RASA3: variants seen among roughly 807,000 people sequenced by gnomAD.
RASA3 encodes the protein ras GTPase-activating protein 3.
In RASA3, 73 loss-of-function variants were observed where a neutral mutation model predicts 110.0. The observed-to-expected ratio is 0.66, with a 90% confidence interval of 0.55 to 0.81. The LOEUF (loss-of-function observed/expected upper bound fraction) is 0.81. Among genes scored for constraint, RASA3 ranks in the 30% least tolerant of loss-of-function variants. The pLI, the probability that RASA3 is intolerant of heterozygous loss-of-function variation, is 0.00. For synonymous variants in RASA3, 500 were observed against 451.4 expected (o/e 1.11, Z -1.37); for missense variants, 976 against 1,113.2 (o/e 0.88, Z 1.75).
At chr13:114,041,646 G>A (rs145739918) in intron 3 of RASA3, among the ~76,000 whole-genome samples, 99 of 152,358 alleles carry the variant, frequency 6.5e-4, no homozygotes, top group African/African-American at 2.1e-3. Flanking sequence ...GCACCCGTGC[G>A]AGCGACAGCC....
rs1407312570 is a variant in RASA3, at chr13:114,096,322, A to G, written c.56-22485T>C. Among the ~76,000 whole-genome samples, 1 of 152,174 alleles carries G rather than the reference A, an allele frequency of 6.6e-6. No homozygotes were observed. The highest frequency in any genetic ancestry group is 2.4e-5 in the African/African-American group (1 of 41,444). On this transcript the variant is annotated intron_variant, in intron 1 of 23. Coordinates refer to ENST00000334062, the MANE Select transcript of RASA3 (RefSeq NM_007368.4). This position sits in a 1 kb window ranked among gnomAD's most constrained non-coding sequence, Gnocchi z 5.1. ...CTGCTCACCGACCCATGCCTCCTCT[A>G]GCAAATCGCCTCTCTCACAGTCACC... is the stretch of plus-strand genomic sequence containing the variant.
Position 114,096,444 on chromosome 13 carries a change from A to C in RASA3, c.56-22607T>G, listed in dbSNP as rs1281495289. On this transcript the variant is annotated intron_variant, in intron 1 of 23. Coordinates refer to ENST00000334062, the MANE Select transcript of RASA3 (RefSeq NM_007368.4). The surrounding 1 kb of genome is among the most constrained non-coding windows in gnomAD (Gnocchi z 5.1). ...CATCTGTGAGCCGACCTCCTGCCTG[A>C]AGCCACCTTCTCATAGCGCTCAGTA... Among the ~76,000 whole-genome samples, 6 of 152,068 alleles carry C rather than the reference A, an allele frequency of 3.9e-5. No individual in the cohort carries two copies. Among genetic ancestry groups the C allele is most frequent in the African/African-American group, 1.4e-4 (6 of 41,388 alleles).
At chr13:114,106,662 G>A (rs1469329743) in intron 1 of RASA3, among the ~76,000 whole-genome samples, 1 of 152,160 alleles carries the variant, frequency 6.6e-6, no homozygotes, top group Non-Finnish European at 1.5e-5. Context: ...CCTGGCGTGG[G>A]GAGGGGTTGG....
intron 4 of RASA3, among the ~76,000 whole-genome samples, chr13:114,032,784 GACACC>G (rs2054195736): frequency 2.6e-5 from 1 of 38,492 alleles, no homozygotes; most frequent in Non-Finnish European, 4.4e-5. Flanking sequence ...CCCCCACACT[GACACC>G]ACGCCCCACG....
At chr13:114,063,509 A>G (rs539152858) in intron 2 of RASA3, among the ~76,000 whole-genome samples, 21 of 152,292 alleles carry the variant, frequency 1.4e-4, no homozygotes, top group Middle Eastern at 6.8e-3. Flanking sequence ...TTTTTAAATA[A>G]AAGTGAGGTT....
chr13:114,042,849 A>C (rs1232626149), intron 3 of RASA3, among the ~76,000 whole-genome samples: 3 of 152,280 alleles, frequency 2.0e-5, no homozygotes, highest in Non-Finnish European at 2.9e-5. Flanking sequence ...GTGCCATCTC[A>C]GTCGGTCCTG....
At position 114,073,744 on chromosome 13, in the gene RASA3, G is replaced by C; in HGVS notation, c.149C>G (p.Thr50Ser). 1 of 1,614,100 alleles carries C rather than the reference G, an allele frequency of 6.2e-7. No homozygotes were observed. Among genetic ancestry groups the C allele is most frequent in the South Asian group, 1.1e-5 (1 of 91,080 alleles). The change falls in exon 2 of 24, where the codon ACC becomes AGC. Residue 50 changes from threonine to serine, a missense_variant. By Grantham distance (58) the Thr-to-Ser change is moderately conservative. Transcript: ENST00000334062. ...CCAGAGTGACTTTTCCACAATTTTGGTCCTGAAAACCTCCTCCTGGTCCAG... is the reference window on the plus strand; with the variant it reads ...CCAGAGTGACTTTTCCACAATTTTGCTCCTGAAAACCTCCTCCTGGTCCAG... ...VNLDQEEVFR[T>S]KIVEKSLCPF...
At chr13:114,080,266 A>G (rs1456253153) in intron 1 of RASA3, among the ~76,000 whole-genome samples, 1 of 152,002 alleles carries the variant, frequency 6.6e-6, no homozygotes, top group African/African-American at 2.4e-5. Flanking sequence ...GCACCCCCCA[A>G]TCCTCCTGGC....
At chr13:114,128,218 A>C (rs1313178232) in intron 1 of RASA3, among the ~76,000 whole-genome samples, 1 of 152,258 alleles carries the variant, frequency 6.6e-6, no homozygotes, top group Non-Finnish European at 1.5e-5. Context: ...TCAGACAGAC[A>C]CGGGGAAAGC....
chr13:114,019,091 G>A (rs572676876), intron 9 of RASA3, among the ~76,000 whole-genome samples, 172 bp from the exon 10 acceptor site: 2 of 152,112 alleles, frequency 1.3e-5, no homozygotes, highest in African/African-American at 4.8e-5. Context: ...AGCAGGGCTG[G>A]TCACCGGGGA....
intron 1 of RASA3, among the ~76,000 whole-genome samples, chr13:114,079,514 T>C (rs1036127154): frequency 1.3e-5 from 2 of 152,156 alleles, no homozygotes; most frequent in Non-Finnish European, 2.9e-5. Context: ...CAACATAAAG[T>C]ATTTACCGGA....
At chr13:114,072,485 T>C (rs1337677812) in intron 2 of RASA3, among the ~76,000 whole-genome samples, 2 of 152,234 alleles carry the variant, frequency 1.3e-5, no homozygotes, top group Admixed American at 6.5e-5. Context: ...TGTATAGCTA[T>C]TTTAGAAAAT....
intron 7 of RASA3, among the ~76,000 whole-genome samples, chr13:114,025,013 A>G (rs1455927528): frequency 6.6e-6 from 1 of 152,204 alleles, no homozygotes; most frequent in Non-Finnish European, 1.5e-5. Flanking sequence ...GCCGACCCAC[A>G]GGCTCCAGGA....
At chr13:114,103,489 C>T (rs1295339610) in intron 1 of RASA3, among the ~76,000 whole-genome samples, 2 of 151,126 alleles carry the variant, frequency 1.3e-5, no homozygotes, top group Admixed American at 6.6e-5. Flanking sequence ...GCACCTGACA[C>T]CGGAGCCCGA....
chr13:114,112,801 A>C lies in RASA3; in HGVS notation c.55+19634T>G, dbSNP rs1951161205. ...GTACACCAACATCTGAGGCAGAGGC[A>C]CCGCTGTGGGCTCATCTCTCAGCTC... On this transcript the variant is annotated intron_variant, in intron 1 of 23. Coordinates refer to ENST00000334062, the MANE Select transcript of RASA3 (RefSeq NM_007368.4). This position sits in a 1 kb window ranked among gnomAD's most constrained non-coding sequence, Gnocchi z 4.8. Among the ~76,000 whole-genome samples the C allele has an allele frequency of 6.6e-6, 1 of 152,048 alleles. No individual in the cohort carries two copies. Among genetic ancestry groups the C allele is most frequent in the Non-Finnish European group, 1.5e-5 (1 of 67,988 alleles).
chr13:114,000,202 C>T (rs528016908), intron 19 of RASA3, among the ~76,000 whole-genome samples: 58 of 151,096 alleles, frequency 3.8e-4, no homozygotes, highest in Non-Finnish European at 7.2e-4. Context: ...TGCTGGGGTG[C>T]CCTGGGCCGG....
At chr13:114,106,331 A>C (rs2080135477) in intron 1 of RASA3, among the ~76,000 whole-genome samples, 1 of 152,220 alleles carries the variant, frequency 6.6e-6, no homozygotes, top group African/African-American at 2.4e-5. Context: ...ACAACTTCTC[A>C]TTCTTGAAAA....
At chr13:114,105,070 A>G (rs9562115) in intron 1 of RASA3, among the ~76,000 whole-genome samples, 113,013 of 151,474 alleles carry the variant, frequency 0.75, 42,421 homozygotes, top group Middle Eastern at 0.81. Context: ...CCAACAGACT[A>G]TGACCTCCCC....
intron 1 of RASA3, among the ~76,000 whole-genome samples, chr13:114,128,173 G>A (rs1436487808): frequency 6.6e-6 from 1 of 152,202 alleles, no homozygotes; most frequent in Non-Finnish European, 1.5e-5. Context: ...TGATGCCAAG[G>A]CCCATGTGTG....
Sources: gnomAD v4.1 joint callset for allele counts (sites outside exome capture counted in the v4.1 genomes callset) on GRCh38, gnomAD v4.1.1 for gene constraint, Gnocchi (gnomAD v3.1) non-coding constraint, MANE v1.5 for transcripts, NCBI Gene and HGNC (gene_info 2026-07-23, HGNC 2026-07-21) for gene names.